Variants in PACRGL observed in about 807,000 individuals in gnomAD.
PACRGL encodes parkin coregulated like, also known as PACRG-like protein.
A neutral mutation model predicts 34.5 loss-of-function variants in PACRGL; 38 were observed. The ratio of observed to expected loss-of-function variants is 1.10; its 90% CI spans 0.85 to 1.44. The LOEUF is 1.44. Ranked by LOEUF, PACRGL falls within the 40% of genes most tolerant of loss-of-function variation. The pLI is 0.00. For synonymous variants in PACRGL, 128 were observed against 100.1 expected (o/e 1.28, Z -1.66); for missense variants, 305 against 281.4 (o/e 1.08, Z -0.60).
downstream of PACRGL, among the ~76,000 whole-genome samples, chr4:20,736,218 ACTAG>A (rs1379427649): frequency 2.6e-5 from 4 of 152,298 alleles, no homozygotes; most frequent in Admixed American, 1.3e-4. Context: ...TATTTGTTTT[ACTAG>A]CTAACAGACT....
At chr4:20,756,092 C>G (rs1024804520), downstream of PACRGL, among the ~76,000 whole-genome samples, 9 of 151,598 alleles carry the variant, frequency 5.9e-5, no homozygotes, top group Non-Finnish European at 1.3e-4. Context: ...GAGGGGTCAT[C>G]AGAATCAGAG....
upstream of PACRGL, chr4:20,700,384 T>C (rs1248550493): frequency 6.6e-6 from 1 of 152,168 alleles, no homozygotes; most frequent in Non-Finnish European, 1.5e-5. Context: ...TTACCATTGG[T>C]TTAGACGACG....
chr4:20,720,815 T>C (rs1742712309), intron 7 of PACRGL, among the ~76,000 whole-genome samples: 1 of 152,150 alleles, frequency 6.6e-6, no homozygotes. Flanking sequence ...GGAGTTGCTC[T>C]TCTCAAGAAG....
At chr4:20,698,038 C>T (rs778920067), upstream of PACRGL, among the ~76,000 whole-genome samples, 2 of 152,046 alleles carry the variant, frequency 1.3e-5, no homozygotes, top group African/African-American at 4.8e-5. Flanking sequence ...TAGGGAACCC[C>T]CTAAGGATAG....
upstream of PACRGL, among the ~76,000 whole-genome samples, chr4:20,699,100 G>A (rs1019086667): frequency 2.0e-5 from 3 of 152,260 alleles, no homozygotes; most frequent in East Asian, 1.9e-4. Context: ...AAAAGGTCAC[G>A]AACTAGGAGC....
rs547702933 is a variant in PACRGL at position 20,720,069 on chromosome 4, C to T, written c.610-4739C>T. Among the ~76,000 whole-genome samples, 553 of 152,292 alleles carry T rather than the reference C, an allele frequency of 3.6e-3. 3 individuals carry two copies. Among genetic ancestry groups the T allele is most frequent in the Admixed American group, 0.012 (176 of 15,294 alleles). ...TTAGCCCTTCTTGTTGAATTGATCC[C>T]TTTACCATTATGTAATGGCCTTCTT... On this transcript the variant is annotated intron_variant, in intron 7 of 8. Coordinates refer to ENST00000503585, the MANE Select transcript of PACRGL (RefSeq NM_001258345.3).
At chr4:20,697,016 A>C (rs1368437727), upstream of PACRGL, among the ~76,000 whole-genome samples, 1 of 152,232 alleles carries the variant, frequency 6.6e-6, no homozygotes, top group Non-Finnish European at 1.5e-5. Context: ...CCTACTAGGC[A>C]ATTTAAAATT....
intron 8 of PACRGL, among the ~76,000 whole-genome samples, chr4:20,737,921 C>T (rs1750043286): frequency 6.6e-6 from 1 of 152,026 alleles, no homozygotes. Flanking sequence ...TGTTTGAGTC[C>T]AAGAGTTTGC....
At chr4:20,711,177 T>C (rs1272224407) in intron 5 of PACRGL, among the ~76,000 whole-genome samples, 4 of 152,082 alleles carry the variant, frequency 2.6e-5, no homozygotes, top group African/African-American at 9.7e-5. Context: ...TTTTTTAGAC[T>C]AGTCAAAACT....
intron 7 of PACRGL, among the ~76,000 whole-genome samples, chr4:20,721,674 G>A (rs921291174): frequency 3.9e-5 from 6 of 152,086 alleles, no homozygotes; most frequent in South Asian, 2.1e-4. Context: ...CTGCCTGATC[G>A]TTCCTCTGGA....
intron 8 of PACRGL, among the ~76,000 whole-genome samples, chr4:20,749,087 G>T (rs1753076618): frequency 6.6e-6 from 1 of 151,414 alleles, no homozygotes; most frequent in South Asian, 2.1e-4. Flanking sequence ...GAACCTGGGA[G>T]GCAGAGGTTG....
chr4:20,713,185 C>A (rs918681986), intron 6 of PACRGL: 2 of 539,392 alleles, frequency 3.7e-6, no homozygotes, highest in East Asian at 3.0e-5. Context: ...CTCAAATCAG[C>A]CTTTCTGTAT....
At chr4:20,724,449 T>C (rs567534820) in intron 7 of PACRGL, among the ~76,000 whole-genome samples, 6 of 152,268 alleles carry the variant, frequency 3.9e-5, no homozygotes, top group Admixed American at 3.9e-4. Flanking sequence ...CTCCATCCTT[T>C]GTCTTCTCTT....
In PACRGL at chr4:20,727,317, A is replaced by G; in HGVS notation, c.723A>G (p.Pro241=). The G allele has an allele frequency of 6.2e-7, 1 of 1,613,104 alleles. No individual in the cohort carries two copies. The highest frequency in any genetic ancestry group is 8.5e-7 in the Non-Finnish European group (1 of 1,179,286). Reference sequence around the variant, plus strand: ...TTAGCATCATCAAATCTAAAATTCCAACATACTGCTCCATATGCTGTTGAA... The same window carrying G: ...TTAGCATCATCAAATCTAAAATTCCGACATACTGCTCCATATGCTGTTGAA... ...GSLSIIKSKI[P]TYCSICC The change falls in exon 9 of 9, where the codon CCA becomes CCG. Residue 241 remains proline (P), a synonymous_variant. Coordinates refer to ENST00000503585, the MANE Select transcript of PACRGL (RefSeq NM_001258345.3).
chr4:20,731,656 T>C lies in PACRGL; in HGVS notation c.*4315T>C. 1.0e-6 allele frequency: 1 copy of C among 985,266 alleles called. No individual in the cohort carries two copies. 61.0% of individuals were successfully genotyped at this position (985,266 alleles called of 1,614,324 possible). ...TAGGAATTCTAATGCTGTGGAGATA[T>C]GATAGATAATATATGAGTGATGCTA... On this transcript the variant is annotated 3_prime_UTR_variant, in exon 9 of 9. Transcript: ENST00000503585.
downstream of PACRGL, among the ~76,000 whole-genome samples, chr4:20,753,338 A>G (rs1186909674): frequency 6.6e-6 from 1 of 152,090 alleles, no homozygotes; most frequent in Non-Finnish European, 1.5e-5. Flanking sequence ...TGACTCCTGC[A>G]TTTTATAGAG....
chr4:20,727,355 C>G lies in PACRGL; in HGVS notation c.*14C>G, dbSNP rs758200971. 9.3e-6 allele frequency: 15 copies of G among 1,605,884 alleles called. No individual in the cohort carries two copies. Among genetic ancestry groups the G allele is most frequent in the Non-Finnish European group, 1.3e-5 (15 of 1,172,970 alleles). On this transcript the variant is annotated 3_prime_UTR_variant, in exon 9 of 9. Transcript: ENST00000503585. ...ATATGCTGTTGAAGAAGGGAGCCAACAAAAATTGTTTTTTCTACCTGTTGA... is the reference window on the plus strand; with the variant it reads ...ATATGCTGTTGAAGAAGGGAGCCAAGAAAAATTGTTTTTTCTACCTGTTGA...
intron 7 of PACRGL, among the ~76,000 whole-genome samples, chr4:20,724,498 A>G (rs1744812880): frequency 6.6e-6 from 1 of 152,182 alleles, no homozygotes; most frequent in South Asian, 2.1e-4. Flanking sequence ...TTAGAGGCAC[A>G]GCTTTCCATC....
the PACRGL span, chr4:20,758,955 T>G: frequency 7.7e-7 from 1 of 1,290,748 alleles, no homozygotes; most frequent in Non-Finnish European, 1.1e-6. Context: ...TTTTTGCACA[T>G]TTTGAAACAG....
Sources: allele counts gnomAD v4.1 joint callset (sites outside exome capture counted in the v4.1 genomes callset), GRCh38; gene constraint gnomAD v4.1.1; transcripts MANE v1.5; gene names NCBI Gene and HGNC (gene_info 2026-07-23, HGNC 2026-07-21).